The following ATG7 variants were observed in gnomAD, a reference collection of about 807,000 sequenced individuals.
ATG7 encodes autophagy related 7, also known as ubiquitin-like modifier-activating enzyme ATG7.
A neutral mutation model predicts 82.4 loss-of-function variants in ATG7; 70 were observed. The observed-to-expected ratio is 0.85, with a 90% confidence interval of 0.70 to 1.04. The LOEUF (loss-of-function observed/expected upper bound fraction) is 1.04, where lower values mean the gene tolerates loss of function less well. Among genes scored for constraint, ATG7 ranks in the 50% least tolerant of loss-of-function variants. The probability of loss-of-function intolerance (pLI) is 0.00; values close to 1 mark genes in which losing one functional copy is unlikely to be tolerated. For missense variants in ATG7, 792 were observed against 864.3 expected, an observed-to-expected ratio of 0.92 and a Z score of 1.05; for synonymous variants, 287 against 313.0, an observed-to-expected ratio of 0.92 and a Z score of 0.88.
Position 11,360,672 on chromosome 3 carries a change from G to A in ATG7, c.1571G>A (p.Cys524Tyr), listed in dbSNP as rs746758848. Residue 524 changes from cysteine to tyrosine, a missense_variant, in exon 16 of 21, where the codon TGT becomes TAT. Coordinates refer to ENST00000693202, the MANE Select transcript of ATG7 (RefSeq NM_001349232.2). ...KPKQQGAGDL[C>Y]PNHPVASADL... ...AAGCAGCAAGGAGCTGGGGACTTGT[G>A]TCCAAACCACCCTGTGGCATCTGCT... The A allele has an allele frequency of 5.0e-6, 8 of 1,614,158 alleles. No homozygotes were observed. Among genetic ancestry groups the A allele is most frequent in the South Asian group, 1.1e-5 (1 of 91,088 alleles).
chr3:11,466,006 T>C (rs1002213218), intron 20 of ATG7, among the ~76,000 whole-genome samples: 1 of 152,180 alleles, frequency 6.6e-6, no homozygotes, highest in African/African-American at 2.4e-5. Context: ...GGCAGTAAAA[T>C]TTAGCTCTAA....
chr3:11,313,329 A>T lies in ATG7; in HGVS notation c.437A>T (p.Tyr146Phe), dbSNP rs549229057. The T allele has an allele frequency of 6.2e-7, 1 of 1,610,578 alleles. No individual in the cohort carries two copies. The part of the protein sequence containing the change: ...FADLKKYHFY[Y>F]WFCYPALCLP... ...GATCTAAAGAAGTACCACTTCTACT[A>T]TTGGTTTTGCTATCCTGCCCTCTGT... Residue 146 changes from tyrosine to phenylalanine, a missense_variant, in exon 8 of 21, where the codon TAT becomes TTT. Tyr to Phe is a conservative substitution (Grantham distance 22). Transcript: ENST00000693202.
intron 3 of ATG7, among the ~76,000 whole-genome samples, chr3:11,291,180 A>G (rs557182107): frequency 5.9e-5 from 9 of 152,372 alleles, no homozygotes; most frequent in South Asian, 2.1e-4. Context: ...GATGACTGAC[A>G]TATGTAGGGA....
chr3:11,559,332 C>A, downstream of ATG7: 5 of 1,537,728 alleles, frequency 3.3e-6, no homozygotes, highest in South Asian at 1.2e-5. Flanking sequence ...GGACACTCAC[C>A]GCTCGGTGGC....
At position 11,379,527 on chromosome 3, in the gene ATG7, C is replaced by T. The variant is rs547482250; in HGVS notation, c.1876-445C>T. Reference sequence around the variant, plus strand: ...GGCCATTTCGGCCTTCCACAGTCCCCCAAGCCATCTTTCCTTGTGAGACCC... The same window carrying T: ...GGCCATTTCGGCCTTCCACAGTCCCTCAAGCCATCTTTCCTTGTGAGACCC... On this transcript the variant is annotated intron_variant, in intron 18 of 20. Transcript: ENST00000693202. 1.2e-4 allele frequency among the ~76,000 whole-genome samples: 18 copies of T among 152,270 alleles called. No individual in the cohort carries two copies. In the South Asian group the frequency reaches 3.5e-3, roughly 30 times the overall value.
chr3:11,300,727 T>C (rs1575271672), intron 5 of ATG7, among the ~76,000 whole-genome samples: 1 of 152,338 alleles, frequency 6.6e-6, no homozygotes, highest in South Asian at 2.1e-4. Context: ...GTGGAAATTA[T>C]ACTTTGTGGA....
chr3:11,385,016 T>G (rs1488504606), intron 19 of ATG7, among the ~76,000 whole-genome samples: 4 of 151,796 alleles, frequency 2.6e-5, no homozygotes, highest in South Asian at 2.1e-4. Context: ...TAAATAGTGT[T>G]TTTGTTTGTT....
intron 19 of ATG7, among the ~76,000 whole-genome samples, chr3:11,405,949 CTTCCT>C (rs1361013332): frequency 6.6e-6 from 1 of 151,488 alleles, no homozygotes; most frequent in Non-Finnish European, 1.5e-5. Flanking sequence ...TTTCTCTTTC[CTTCCT>C]TTCCTTTTCT....
rs910410634 is a variant in ATG7 at position 11,548,364 on chromosome 3, C to A, written c.2080-6447C>A. Among the ~76,000 whole-genome samples, 3 of 151,954 alleles carry A rather than the reference C, an allele frequency of 2.0e-5. No individual in the cohort carries two copies. In the South Asian group the frequency reaches 6.2e-4, roughly 31 times the overall value. On this transcript the variant is annotated intron_variant, in intron 20 of 20. Coordinates refer to ENST00000693202, the MANE Select transcript of ATG7 (RefSeq NM_001349232.2). ...TATCTTTTCTCTTTCTTAATAGTGT[C>A]CTTGGAAGCACAAAAATTTTAAATT...
intron 9 of ATG7, among the ~76,000 whole-genome samples, chr3:11,327,138 C>G (rs972546583): frequency 4.6e-5 from 7 of 152,278 alleles, no homozygotes; most frequent in South Asian, 2.1e-4. Flanking sequence ...TCAATAGATA[C>G]TTGCTGACTC....
intron 9 of ATG7, 21 bp downstream of exon 9, chr3:11,315,514 C>A: frequency 1.3e-6 from 2 of 1,546,720 alleles, no homozygotes; most frequent in Non-Finnish European, 1.7e-6. Flanking sequence ...CTTTGAGTAT[C>A]ATTTTATTAT....
intron 20 of ATG7, among the ~76,000 whole-genome samples, chr3:11,459,051 C>T (rs957632112): frequency 6.6e-6 from 1 of 151,994 alleles, no homozygotes; most frequent in African/African-American, 2.4e-5. Context: ...TTGTCTTCCT[C>T]AAGACTGGTC....
chr3:11,280,257 G>A (rs950397666), intron 1 of ATG7, among the ~76,000 whole-genome samples: 1 of 151,926 alleles, frequency 6.6e-6, no homozygotes, highest in African/African-American at 2.4e-5. Context: ...CATGTTGGCC[G>A]GGCATGTTAT....
Position 11,472,322 on chromosome 3 carries a change from AG to A in ATG7, c.2079+45398del, listed in dbSNP as rs563530704. Among the ~76,000 whole-genome samples the A allele has an allele frequency of 1.7e-3, 255 of 152,262 alleles. 1 individual carries two copies. The highest frequency in any genetic ancestry group is 5.2e-3 in the African/African-American group (218 of 41,568). On this transcript the variant is annotated intron_variant, in intron 20 of 20. Transcript: ENST00000693202. ...TAGCAAGATGGCAATTGGTAGCTCCAGGCTTACGTCCCCAAGCTTAGTGACT... is the reference window on the plus strand; with the variant it reads ...TAGCAAGATGGCAATTGGTAGCTCCAGCTTACGTCCCCAAGCTTAGTGACT...
intron 20 of ATG7, among the ~76,000 whole-genome samples, chr3:11,491,805 A>G (rs1014264505): frequency 2.0e-5 from 3 of 152,176 alleles, no homozygotes; most frequent in Admixed American, 2.0e-4. Flanking sequence ...TGAACCGTGA[A>G]TGCTGCTGTC....
Position 11,555,080 on chromosome 3 carries a change from G to A in ATG7, c.*237G>A. 1 of 533,610 alleles carries A rather than the reference G, an allele frequency of 1.9e-6. No homozygotes were observed. The highest frequency in any genetic ancestry group is 3.3e-6 in the Non-Finnish European group (1 of 304,770). 33.1% of individuals were successfully genotyped at this position (533,610 alleles called of 1,614,324 possible). On this transcript the variant is annotated 3_prime_UTR_variant, in exon 21 of 21. Coordinates refer to ENST00000693202, the MANE Select transcript of ATG7 (RefSeq NM_001349232.2). ...TTGGCCTTGGCCTTGCTATTGACCTGGGACTTGGTCCTCCATGCAGTTTTT... is the reference window on the plus strand; with the variant it reads ...TTGGCCTTGGCCTTGCTATTGACCTAGGACTTGGTCCTCCATGCAGTTTTT...
chr3:11,316,479 C>T (rs1440271936), intron 9 of ATG7, among the ~76,000 whole-genome samples: 1 of 152,224 alleles, frequency 6.6e-6, no homozygotes, highest in Non-Finnish European at 1.5e-5. Flanking sequence ...TATTGAAATT[C>T]TATCTCCACT....
At chr3:11,382,950 T>C (rs2078027469) in intron 19 of ATG7, among the ~76,000 whole-genome samples, 1 of 152,152 alleles carries the variant, frequency 6.6e-6, no homozygotes, top group Non-Finnish European at 1.5e-5. Flanking sequence ...CCCTACCCCA[T>C]TTTTTTCTTG....
chr3:11,287,641 T>C (rs1429448213), intron 3 of ATG7, among the ~76,000 whole-genome samples: 5 of 152,210 alleles, frequency 3.3e-5, no homozygotes. Context: ...TTAATAAATA[T>C]CAAATGAGCT....
Sources: gnomAD v4.1 joint callset for allele counts (sites outside exome capture counted in the v4.1 genomes callset) on GRCh38, gnomAD v4.1.1 for gene constraint, MANE v1.5 for transcripts, NCBI Gene and HGNC (gene_info 2026-07-23, HGNC 2026-07-21) for gene names.